Variants in SEPTIN11 observed in about 807,000 individuals in gnomAD.
SEPTIN11 encodes the protein septin-11.
A neutral mutation model predicts 51.4 loss-of-function variants in SEPTIN11; 25 were observed. The ratio of observed to expected loss-of-function variants is 0.49; its 90% CI spans 0.35 to 0.68. SEPTIN11 has a LOEUF of 0.68. SEPTIN11 is among the 30% of genes least tolerant of loss of function. The pLI is 0.00. For synonymous variants in SEPTIN11, 174 were observed against 184.1 expected, an observed-to-expected ratio of 0.95 and a Z score of 0.44; for missense variants, 381 against 520.8, an observed-to-expected ratio of 0.73 and a Z score of 2.61.
At chr4:76,977,269 A>G (rs1296253522) in intron 1 of SEPTIN11, among the ~76,000 whole-genome samples, 2 of 152,226 alleles carry the variant, frequency 1.3e-5, no homozygotes, top group Admixed American at 6.5e-5. Context: ...TGAGTAAACT[A>G]TTTGTAATTA....
intron 3 of SEPTIN11, among the ~76,000 whole-genome samples, chr4:77,007,219 G>A (rs143829553): frequency 7.2e-5 from 11 of 152,288 alleles, no homozygotes; most frequent in African/African-American, 2.2e-4. Context: ...GTGGGAGCTG[G>A]GAAGAGAGCC....
At chr4:76,969,591 G>A (rs538513144) in intron 1 of SEPTIN11, among the ~76,000 whole-genome samples, 2 of 152,108 alleles carry the variant, frequency 1.3e-5, no homozygotes, top group African/African-American at 2.4e-5. Context: ...GTATCCATGC[G>A]AATTTTTCTT....
downstream of SEPTIN11, chr4:77,039,287 A>G (rs1727237374): frequency 1.8e-6 from 2 of 1,104,768 alleles, no homozygotes; most frequent in Non-Finnish European, 2.2e-6. Flanking sequence ...GTGACTTACC[A>G]CTACCAAAAA....
At chr4:76,989,155 G>A (rs1477839863) in intron 1 of SEPTIN11, among the ~76,000 whole-genome samples, 1 of 152,140 alleles carries the variant, frequency 6.6e-6, no homozygotes, top group African/African-American at 2.4e-5. Context: ...ACATAAGCCC[G>A]AGGATTAAGT....
At chr4:77,011,271 G>A (rs1013431731) in intron 3 of SEPTIN11, among the ~76,000 whole-genome samples, 9 of 152,322 alleles carry the variant, frequency 5.9e-5, no homozygotes, top group Middle Eastern at 3.4e-3. Context: ...TCAGTAGGGA[G>A]AGGCTATCAC....
chr4:76,961,729 A>C (rs138623778), intron 1 of SEPTIN11, among the ~76,000 whole-genome samples: 1 of 152,354 alleles, frequency 6.6e-6, no homozygotes, highest in East Asian at 1.9e-4. Context: ...TTGTATAGGC[A>C]TTTGAAGTGT....
intron 5 of SEPTIN11, among the ~76,000 whole-genome samples, 157 bp from the exon 6 acceptor site, chr4:77,019,008 G>C (rs866606242): frequency 2.0e-5 from 3 of 152,144 alleles, no homozygotes; most frequent in Non-Finnish European, 2.9e-5. Flanking sequence ...TGGTTATAAG[G>C]GGGGTGGGAT....
At chr4:77,030,746 A>G (rs773220942) in intron 8 of SEPTIN11, 37 bp from the exon 9 acceptor site, 5 of 1,555,682 alleles carry the variant, frequency 3.2e-6, no homozygotes. Flanking sequence ...AAGGATTTTC[A>G]TTCCATTCAC....
At position 77,024,773 on chromosome 4, in the gene SEPTIN11, A is replaced by G. The variant is rs1215975254; in HGVS notation, c.954-3856A>G. Among the ~76,000 whole-genome samples the G allele has an allele frequency of 6.6e-6, 1 of 152,206 alleles. No individual in the cohort carries two copies. The highest frequency in any genetic ancestry group is 1.5e-5 in the Non-Finnish European group (1 of 68,038). On this transcript the variant is annotated intron_variant, in intron 7 of 9. Coordinates refer to ENST00000264893, the MANE Select transcript of SEPTIN11 (RefSeq NM_018243.4). The surrounding 1 kb of genome is among the most constrained non-coding windows in gnomAD (Gnocchi z 4.2). ...TATCTGAGCAAGGCAGCCTGGTCTC[A>G]GTCCTGGCTCTGTTACTTCTTTGTG... is the stretch of plus-strand genomic sequence containing the variant.
chr4:76,979,351 T>C (rs1722649883), intron 1 of SEPTIN11, among the ~76,000 whole-genome samples: 1 of 152,080 alleles, frequency 6.6e-6, no homozygotes, highest in African/African-American at 2.4e-5. Context: ...ATTTTGAGGA[T>C]GAGTAGGATT....
chr4:76,969,257 T>C (rs1722148853), intron 1 of SEPTIN11, among the ~76,000 whole-genome samples: 1 of 152,186 alleles, frequency 6.6e-6, no homozygotes, highest in Non-Finnish European at 1.5e-5. Flanking sequence ...TTGAACACAT[T>C]GTCTTGTTGT....
rs560630589 is a variant in SEPTIN11, at chr4:77,024,743, G to T, written c.954-3886G>T. Reference sequence around the variant, plus strand: ...CCAGCCATGCAGTGCAGGAGATGGAGTTCTTATCTGAGCAAGGCAGCCTGG... The same window carrying T: ...CCAGCCATGCAGTGCAGGAGATGGATTTCTTATCTGAGCAAGGCAGCCTGG... On this transcript the variant is annotated intron_variant, in intron 7 of 9. Coordinates refer to ENST00000264893, the MANE Select transcript of SEPTIN11 (RefSeq NM_018243.4). The surrounding 1 kb of genome is among the most constrained non-coding windows in gnomAD (Gnocchi z 4.2). Among the ~76,000 whole-genome samples the T allele has an allele frequency of 5.9e-5, 9 of 152,332 alleles. No homozygotes were observed. The East Asian group carries it at 1.7e-3, about 29-fold the overall frequency.
At chr4:76,950,064 C>A in intron 1 of SEPTIN11, 134 bp downstream of exon 1, 1 of 950,126 alleles carries the variant, frequency 1.1e-6, no homozygotes, top group Non-Finnish European at 1.4e-6. Context: ...TGGGTGTGTG[C>A]ACGAATTTGG....
chr4:77,030,533 A>T (rs1240306212), intron 8 of SEPTIN11, among the ~76,000 whole-genome samples: 1 of 152,012 alleles, frequency 6.6e-6, no homozygotes, highest in Non-Finnish European at 1.5e-5. Context: ...AGTAGCAGGG[A>T]TTACAGGCAC....
In SEPTIN11 at chr4:76,971,439, G is replaced by GT. The variant is rs879758237; in HGVS notation, c.27+21520dup. Among the ~76,000 whole-genome samples the GT allele has an allele frequency of 4.7e-3, 685 of 144,438 alleles. 4 individuals are homozygous for GT. The highest frequency in any genetic ancestry group is 0.044 in the Middle Eastern group (12 of 272). The allele number at this position is 144,438 out of a possible 152,430, so 94.8% of individuals were successfully genotyped here. On this transcript the variant is annotated intron_variant, in intron 1 of 9. Transcript: ENST00000264893. Reference sequence around the variant, plus strand: ...TTTTTTTTATATTAATTATGGAGAGGTTTTTTTTTTTAGCCTTTCACCTAA... The same window carrying GT: ...TTTTTTTTATATTAATTATGGAGAGGTTTTTTTTTTTTAGCCTTTCACCTAA...
chr4:76,954,871 G>A (rs989141205), intron 1 of SEPTIN11, among the ~76,000 whole-genome samples: 1 of 152,198 alleles, frequency 6.6e-6, no homozygotes, highest in Non-Finnish European at 1.5e-5. Context: ...AGAGGGGTAG[G>A]CTGAGGTGGT....
At chr4:76,950,413 C>A (rs1413987523) in intron 1 of SEPTIN11, among the ~76,000 whole-genome samples, 1 of 152,224 alleles carries the variant, frequency 6.6e-6, no homozygotes, top group South Asian at 2.1e-4. Context: ...TGGTGGCCTC[C>A]CCAGCGCATT....
chr4:77,002,621 G>T (rs1431822256), intron 2 of SEPTIN11, among the ~76,000 whole-genome samples: 1 of 152,166 alleles, frequency 6.6e-6, no homozygotes, highest in Non-Finnish European at 1.5e-5. Context: ...CTAGCAGTGA[G>T]AACTCTGTTT....
intron 3 of SEPTIN11, among the ~76,000 whole-genome samples, chr4:77,010,503 T>G (rs1248045882): frequency 6.6e-6 from 1 of 151,974 alleles, no homozygotes. Context: ...CTACTCTAAT[T>G]GAACCAATAT....
Sources: gnomAD v4.1 joint callset for allele counts (sites outside exome capture counted in the v4.1 genomes callset) on GRCh38, gnomAD v4.1.1 for gene constraint, Gnocchi (gnomAD v3.1) non-coding constraint, MANE v1.5 for transcripts, NCBI Gene and HGNC (gene_info 2026-07-23, HGNC 2026-07-21) for gene names.